The following ME3 variants were observed in gnomAD, a reference collection of about 807,000 sequenced individuals.
The protein encoded by ME3 is NADP-dependent malic enzyme, mitochondrial.
Under a neutral mutation model 68.9 loss-of-function variants are expected in ME3, and 48 were observed. That is an observed-to-expected ratio of 0.70 (90% CI 0.55 to 0.89). The LOEUF (loss-of-function observed/expected upper bound fraction) is 0.89. Among genes scored for constraint, ME3 ranks in the 40% least tolerant of loss-of-function variants. The pLI is 0.00. For synonymous variants in ME3, 320 were observed against 318.8 expected (o/e 1.00, Z -0.04); for missense variants, 675 against 797.4 (o/e 0.85, Z 1.85).
chr11:86,439,935 T>G (rs903229655), downstream of ME3, among the ~76,000 whole-genome samples: 2 of 152,202 alleles, frequency 1.3e-5, no homozygotes, highest in Non-Finnish European at 2.9e-5. Flanking sequence ...TCATTCTCTA[T>G]GATCCCAAGG....
chr11:86,448,866 C>T (rs952363734), intron 10 of ME3, among the ~76,000 whole-genome samples: 4 of 152,106 alleles, frequency 2.6e-5, no homozygotes, highest in Non-Finnish European at 4.4e-5. Flanking sequence ...TAGCTGGCCT[C>T]ATAGGAACCA....
intron 14 of ME3, among the ~76,000 whole-genome samples, chr11:86,442,092 T>C (rs3781813): frequency 0.11 from 16,305 of 152,226 alleles, 1,421 homozygotes; most frequent in African/African-American, 0.24. Flanking sequence ...AAAACATGCA[T>C]ACTAATAGAA....
intron 4 of ME3, among the ~76,000 whole-genome samples, chr11:86,538,347 C>A (rs758342522): frequency 6.6e-6 from 1 of 152,096 alleles, no homozygotes; most frequent in Non-Finnish European, 1.5e-5. Context: ...TGTCTAAGGA[C>A]AATAATGCAC....
At chr11:86,644,576 T>C (rs533359484) in intron 2 of ME3, among the ~76,000 whole-genome samples, 2 of 152,334 alleles carry the variant, frequency 1.3e-5, no homozygotes, top group Non-Finnish European at 2.9e-5. Context: ...GTCTCCAGAC[T>C]CTACGTGATA....
At chr11:86,606,899 TG>T (rs1961746081) in intron 2 of ME3, among the ~76,000 whole-genome samples, 1 of 152,218 alleles carries the variant, frequency 6.6e-6, no homozygotes, top group African/African-American at 2.4e-5. Flanking sequence ...TGTAAATATG[TG>T]AGGTTGCTGT....
chr11:86,543,362 A>G (rs1956161791), intron 4 of ME3, among the ~76,000 whole-genome samples: 1 of 152,242 alleles, frequency 6.6e-6, no homozygotes, highest in African/African-American at 2.4e-5. Context: ...AGACTGGCAA[A>G]TTGGATAAAG....
chr11:86,664,029 C>T (rs1946442708), intron 2 of ME3, among the ~76,000 whole-genome samples: 2 of 152,178 alleles, frequency 1.3e-5, no homozygotes, highest in Admixed American at 1.3e-4. Context: ...ACTTTATTGC[C>T]TCTAGAAGAT....
At chr11:86,546,913 A>G (rs1419101915) in intron 4 of ME3, among the ~76,000 whole-genome samples, 1 of 152,168 alleles carries the variant, frequency 6.6e-6, no homozygotes, top group East Asian at 1.9e-4. Context: ...CTTGGGACCA[A>G]TCCAAATGCC....
intron 6 of ME3, among the ~76,000 whole-genome samples, chr11:86,494,037 G>A (rs1303082010): frequency 1.4e-5 from 2 of 139,406 alleles, no homozygotes; most frequent in African/African-American, 5.3e-5. Context: ...GGAATATCTT[G>A]CAAACGGTTT....
At chr11:86,520,583 G>A (rs1484916181) in intron 4 of ME3, among the ~76,000 whole-genome samples, 1 of 151,988 alleles carries the variant, frequency 6.6e-6, no homozygotes, top group African/African-American at 2.4e-5. Context: ...AGCTGGGCCT[G>A]GAGTCCCTTC....
intron 7 of ME3, among the ~76,000 whole-genome samples, chr11:86,483,785 C>T (rs1951544849): frequency 6.6e-6 from 1 of 152,202 alleles, no homozygotes; most frequent in Non-Finnish European, 1.5e-5. Context: ...AGTTTCTGTC[C>T]AGCCCAGGCC....
At chr11:86,448,668 A>G (rs1949458535) in intron 10 of ME3, among the ~76,000 whole-genome samples, 1 of 152,180 alleles carries the variant, frequency 6.6e-6, no homozygotes, top group Admixed American at 6.5e-5. Flanking sequence ...GCTAATTTGA[A>G]TATGCTTATA....
intron 4 of ME3, among the ~76,000 whole-genome samples, chr11:86,547,350 A>G (rs921668227): frequency 1.3e-5 from 2 of 152,240 alleles, no homozygotes; most frequent in Admixed American, 1.3e-4. Context: ...TGAAGCTGGA[A>G]ACCATCATTC....
At chr11:86,597,033 C>G (rs1457346663) in intron 2 of ME3, among the ~76,000 whole-genome samples, 1 of 152,094 alleles carries the variant, frequency 6.6e-6, no homozygotes, top group Non-Finnish European at 1.5e-5. Flanking sequence ...AGACAGAGGC[C>G]CTGGTTAGAC....
At chr11:86,647,580 A>G (rs572020085) in intron 2 of ME3, among the ~76,000 whole-genome samples, 1 of 152,300 alleles carries the variant, frequency 6.6e-6, no homozygotes, top group African/African-American at 2.4e-5. Context: ...CAAATGGAAA[A>G]CAAAAAAAAA....
chr11:86,611,489 C>T (rs558496390), intron 2 of ME3, among the ~76,000 whole-genome samples: 10 of 151,026 alleles, frequency 6.6e-5, no homozygotes, highest in African/African-American at 1.5e-4. Flanking sequence ...TATGTTAATT[C>T]GCGTGATTGT....
intron 2 of ME3, among the ~76,000 whole-genome samples, chr11:86,574,399 G>GAGTT (rs570327505): frequency 1.3e-5 from 1 of 78,496 alleles, no homozygotes; most frequent in East Asian, 3.4e-4. Flanking sequence ...TTTGTTGCCG[G>GAGTT]GGGGGGGGGG....
intron 4 of ME3, among the ~76,000 whole-genome samples, chr11:86,543,164 T>C (rs1956150990): frequency 1.3e-5 from 2 of 152,096 alleles, no homozygotes; most frequent in African/African-American, 4.8e-5. Context: ...GCATTAAATA[T>C]GGAAAGGAAA....
intron 8 of ME3, among the ~76,000 whole-genome samples, chr11:86,460,373 C>T (rs983869236): frequency 7.9e-5 from 12 of 152,328 alleles, no homozygotes; most frequent in Admixed American, 7.8e-4. Context: ...GCACATGGTA[C>T]AGTGGGACTG....
Sources: gnomAD v4.1 joint callset for allele counts (sites outside exome capture counted in the v4.1 genomes callset) on GRCh38, gnomAD v4.1.1 for gene constraint, MANE v1.5 for transcripts, NCBI Gene and HGNC (gene_info 2026-07-23, HGNC 2026-07-21) for gene names.